SRGAP3: variants seen among roughly 807,000 people sequenced by gnomAD.
SRGAP3 encodes the protein SLIT-ROBO Rho GTPase activating protein 3.
A neutral mutation model predicts 121.1 loss-of-function variants in SRGAP3; 39 were observed. The observed-to-expected ratio is 0.32, with a 90% confidence interval of 0.25 to 0.42. SRGAP3 has a LOEUF of 0.42. Among genes scored for constraint, SRGAP3 ranks in the 10% least tolerant of loss-of-function variants. SRGAP3 has a pLI of 1.00. For missense variants in SRGAP3, 1,213 were observed against 1,470.6 expected (o/e 0.82, Z 2.86); for synonymous variants, 601 against 570.0 (o/e 1.05, Z -0.77).
rs992275090 is a variant in SRGAP3 at position 8,993,104 on chromosome 3, C to T, written c.2409-49G>A. On this transcript the variant is annotated intron_variant, in intron 19 of 21. Transcript: ENST00000383836. ...TGGAGGCACCTTCCCCCAAAGAACCCAGCATATACAGAGCTCCCTGATATG... is the reference window on the plus strand; with the variant it reads ...TGGAGGCACCTTCCCCCAAAGAACCTAGCATATACAGAGCTCCCTGATATG... The T allele has an allele frequency of 8.7e-6, 14 of 1,610,420 alleles. 1 individual carries two copies. The highest frequency in any genetic ancestry group is 6.7e-5 in the Admixed American group (4 of 60,002).
At chr3:9,278,705 G>A (rs964239194) in intron 3 of SRGAP3, among the ~76,000 whole-genome samples, 1 of 152,184 alleles carries the variant, frequency 6.6e-6, no homozygotes, top group Non-Finnish European at 1.5e-5. Context: ...GGTATCCTGG[G>A]TAGATTACCT....
intron 1 of SRGAP3, among the ~76,000 whole-genome samples, chr3:9,334,725 A>G (rs1430580606): frequency 6.6e-6 from 1 of 152,202 alleles, no homozygotes; most frequent in Non-Finnish European, 1.5e-5. Context: ...GGAGACTGAC[A>G]GTCAACTACC....
intron 12 of SRGAP3, among the ~76,000 whole-genome samples, chr3:9,031,491 G>A (rs1367083008): frequency 1.3e-5 from 2 of 152,028 alleles, no homozygotes; most frequent in Admixed American, 6.6e-5. Flanking sequence ...GACATCCTTC[G>A]ACCCTGGGCA....
chr3:9,358,023 C>A (rs571230651), intron 1 of SRGAP3, among the ~76,000 whole-genome samples: 2 of 152,068 alleles, frequency 1.3e-5, no homozygotes, highest in Non-Finnish European at 2.9e-5. Context: ...TAGAGATGCA[C>A]GCCACCACAC....
intron 1 of SRGAP3, among the ~76,000 whole-genome samples, chr3:9,185,804 T>C (rs1342760155): frequency 6.6e-6 from 1 of 152,164 alleles, no homozygotes; most frequent in Non-Finnish European, 1.5e-5. Context: ...CCCAAAGTGC[T>C]GTGATTACAG....
chr3:9,009,189 C>G (rs1943235821), intron 18 of SRGAP3, among the ~76,000 whole-genome samples: 1 of 152,138 alleles, frequency 6.6e-6, no homozygotes, highest in South Asian at 2.1e-4. Flanking sequence ...ATGTGAAAAC[C>G]CATCTGTCAG....
At chr3:9,206,481 CT>C (rs1285171341) in intron 1 of SRGAP3, among the ~76,000 whole-genome samples, 1 of 152,214 alleles carries the variant, frequency 6.6e-6, no homozygotes, top group Non-Finnish European at 1.5e-5. Context: ...ACAAATCCCC[CT>C]GACTGTGCCA....
rs181783354 is a variant in SRGAP3, at chr3:9,018,439, C to T, written c.1679-2708G>A. On this transcript the variant is annotated intron_variant, in intron 14 of 21. Transcript: ENST00000383836. Reference sequence around the variant, plus strand: ...TTTTGAGAAATCTCCATGCTGTTTTCCATAGTGGCTGTATTAATTTACATT... The same window carrying T: ...TTTTGAGAAATCTCCATGCTGTTTTTCATAGTGGCTGTATTAATTTACATT... Among the ~76,000 whole-genome samples, 72 of 152,296 alleles carry T rather than the reference C, an allele frequency of 4.7e-4. No homozygotes were observed. In the East Asian group the frequency reaches 0.013, roughly 28 times the overall value.
At chr3:9,047,081 C>T (rs1945325241) in intron 10 of SRGAP3, among the ~76,000 whole-genome samples, 1 of 152,162 alleles carries the variant, frequency 6.6e-6, no homozygotes, top group Non-Finnish European at 1.5e-5. Context: ...ATCCGCCCAC[C>T]TCAGCATCCC....
At chr3:9,280,889 C>T (rs1311652348) in intron 3 of SRGAP3, among the ~76,000 whole-genome samples, 3 of 152,158 alleles carry the variant, frequency 2.0e-5, no homozygotes, top group Admixed American at 1.3e-4. Context: ...ATAAGACTAA[C>T]ACCGATTATT....
At chr3:9,144,728 G>C (rs537197653) in intron 1 of SRGAP3, among the ~76,000 whole-genome samples, 2 of 152,302 alleles carry the variant, frequency 1.3e-5, no homozygotes, top group South Asian at 2.1e-4. Flanking sequence ...ATGTGGAACT[G>C]TAAGTTCAAT....
At position 9,243,666 on chromosome 3, in the gene SRGAP3, G is replaced by A. The variant is rs566921227; in HGVS notation, c.67+5219C>T. On this transcript the variant is annotated intron_variant, in intron 1 of 21. Transcript: ENST00000383836. ...AAAAAAAAAGAGAGAGAGAGAGAGAGAAAAGGGACTGGTTTTTTGCGTTTA... is the reference window on the plus strand; with the variant it reads ...AAAAAAAAAGAGAGAGAGAGAGAGAAAAAAGGGACTGGTTTTTTGCGTTTA... Among the ~76,000 whole-genome samples, 88 of 150,750 alleles carry A rather than the reference G, an allele frequency of 5.8e-4. 1 individual carries two copies. The East Asian group carries it at 0.012, about 20-fold the overall frequency.
At chr3:9,115,285 T>C (rs1472876262) in intron 2 of SRGAP3, among the ~76,000 whole-genome samples, 3 of 152,210 alleles carry the variant, frequency 2.0e-5, no homozygotes, top group Admixed American at 6.5e-5. Flanking sequence ...AGGTGCTATA[T>C]AGTCTTTGAA....
At position 9,348,846 on chromosome 3, in the gene SRGAP3, G is replaced by GT. The variant is rs2029896290; in HGVS notation, n.214+13993dup. 11 of 1,325,974 alleles carry GT rather than the reference G, an allele frequency of 8.3e-6. 1 individual carries two copies. The highest frequency in any genetic ancestry group is 1.8e-4 in the Middle Eastern group (1 of 5,504). The allele number at this position is 1,325,974 out of a possible 1,614,324, so 82.1% of individuals were successfully genotyped here. ...CCCGACCATCCTTTCTACAACATCA[G>GT]TAAGGATCGCAGGTTTGCAAACCTC... On this transcript the variant is annotated intron_variant and non_coding_transcript_variant, in intron 1 of 3. Transcript: ENST00000490889.
At chr3:9,248,150 T>C (rs1037210531) in intron 1 of SRGAP3, among the ~76,000 whole-genome samples, 3 of 152,368 alleles carry the variant, frequency 2.0e-5, no homozygotes, top group East Asian at 3.9e-4. Context: ...CAGGCAGCGC[T>C]GACCAGCCCA....
intron 1 of SRGAP3, among the ~76,000 whole-genome samples, chr3:9,231,828 G>A (rs1403799419): frequency 1.3e-5 from 2 of 152,154 alleles, no homozygotes; most frequent in African/African-American, 2.4e-5. Flanking sequence ...GATCCTCACA[G>A]CAACCACCCT....
At chr3:9,166,919 C>T (rs1950807890) in intron 1 of SRGAP3, among the ~76,000 whole-genome samples, 1 of 152,158 alleles carries the variant, frequency 6.6e-6, no homozygotes, top group Admixed American at 6.5e-5. Context: ...CCACCCTGAC[C>T]TTGTCAACTC....
chr3:9,203,664 A>AG (rs988076753), intron 1 of SRGAP3, among the ~76,000 whole-genome samples: 4 of 152,210 alleles, frequency 2.6e-5, no homozygotes, highest in Admixed American at 6.5e-5. Flanking sequence ...CTGAGCTATA[A>AG]GGGGATGGAA....
chr3:9,122,725 A>AG (rs1317059241), intron 2 of SRGAP3, among the ~76,000 whole-genome samples: 2 of 151,798 alleles, frequency 1.3e-5, no homozygotes, highest in African/African-American at 4.8e-5. Flanking sequence ...AAAAAAAAAA[A>AG]AGGGAGAAGA....
Sources: gnomAD v4.1 joint callset for allele counts (sites outside exome capture counted in the v4.1 genomes callset) on GRCh38, gnomAD v4.1.1 for gene constraint, MANE v1.5 for transcripts, NCBI Gene and HGNC (gene_info 2026-07-23, HGNC 2026-07-21) for gene names.